SLC24A2: variants seen among roughly 807,000 people sequenced by gnomAD.
SLC24A2 encodes sodium/potassium/calcium exchanger 2.
A neutral mutation model predicts 62.0 loss-of-function variants in SLC24A2; 36 were observed. The observed-to-expected ratio is 0.58, with a 90% CI of 0.44 to 0.77. The LOEUF is 0.77. Ranked by LOEUF, SLC24A2 falls within the 30% of genes least tolerant of loss-of-function variation. The probability of loss-of-function intolerance (pLI) is 0.00; values close to 1 mark genes in which losing one functional copy is unlikely to be tolerated. For missense variants in SLC24A2, 846 were observed against 817.9 expected (o/e 1.03, Z -0.42); for synonymous variants, 358 against 294.0 (o/e 1.22, Z -2.23).
At chr9:20,270,255 T>G in the SLC24A2 span, among the ~76,000 whole-genome samples, 1 of 152,114 alleles carries the variant, frequency 6.6e-6, no homozygotes. Flanking sequence ...GGAATCAAAT[T>G]TCAGCATGCA....
At chr9:19,571,948 C>T (rs749838288) in intron 7 of SLC24A2, among the ~76,000 whole-genome samples, 3 of 152,130 alleles carry the variant, frequency 2.0e-5, no homozygotes, top group Non-Finnish European at 2.9e-5. Context: ...TACTTCATCT[C>T]ACTGAGCTTC....
At chr9:19,818,400 G>A in the SLC24A2 span, among the ~76,000 whole-genome samples, 1 of 151,982 alleles carries the variant, frequency 6.6e-6, no homozygotes, top group Non-Finnish European at 1.5e-5. Context: ...AAGAGTTAAG[G>A]ACTTCACAAA....
At chr9:19,867,457 T>A in the SLC24A2 span, among the ~76,000 whole-genome samples, 1 of 152,250 alleles carries the variant, frequency 6.6e-6, no homozygotes, top group Non-Finnish European at 1.5e-5. Context: ...AGTTGTCTAA[T>A]TTGTTAGCAT....
chr9:20,186,932 G>C, the SLC24A2 span, among the ~76,000 whole-genome samples: 13 of 152,156 alleles, frequency 8.5e-5, 1 homozygote, highest in African/African-American at 2.9e-4. Flanking sequence ...GGTGGGAGTG[G>C]AGCATGGGGA....
rs182026246 is a variant in SLC24A2, at chr9:19,709,648, C to T, written c.930+76289G>A. Among the ~76,000 whole-genome samples the T allele has an allele frequency of 2.8e-4, 43 of 150,904 alleles. No homozygotes were observed. The East Asian group carries it at 5.0e-3, about 17-fold the overall frequency. The stretch of plus-strand genomic sequence containing the variant: ...GACACCATCATTCTCAGCAAACTAT[C>T]GCAAGGACAAAAAACCAAACACCGC... On this transcript the variant is annotated intron_variant, in intron 2 of 10. Transcript: ENST00000341998.
intron 2 of SLC24A2, among the ~76,000 whole-genome samples, chr9:19,735,605 C>G (rs1462076932): frequency 5.9e-5 from 9 of 152,118 alleles, no homozygotes; most frequent in Non-Finnish European, 1.2e-4. Context: ...TTGGAACCAA[C>G]CCAAATGTCC....
the SLC24A2 span, among the ~76,000 whole-genome samples, chr9:20,257,729 T>C: frequency 6.6e-6 from 1 of 152,224 alleles, no homozygotes; most frequent in Non-Finnish European, 1.5e-5. Context: ...ACCCAATTTA[T>C]CAGTTTGTTA....
the SLC24A2 span, among the ~76,000 whole-genome samples, chr9:20,169,134 G>A: frequency 6.6e-6 from 1 of 152,032 alleles, no homozygotes; most frequent in African/African-American, 2.4e-5. Context: ...CTTACATGAA[G>A]TATGTAGAAT....
At chr9:19,583,398 A>T (rs963259979) in intron 5 of SLC24A2, among the ~76,000 whole-genome samples, 1 of 152,080 alleles carries the variant, frequency 6.6e-6, no homozygotes, top group Non-Finnish European at 1.5e-5. Flanking sequence ...ATTTTCTCTA[A>T]AGTAGTTATC....
the SLC24A2 span, among the ~76,000 whole-genome samples, chr9:19,795,285 G>A: frequency 4.7e-5 from 2 of 42,876 alleles, no homozygotes; most frequent in South Asian, 5.3e-4. Flanking sequence ...CCCCACCCCC[G>A]GCCCAATGCC....
chr9:20,233,219 A>T, the SLC24A2 span, among the ~76,000 whole-genome samples: 1 of 152,068 alleles, frequency 6.6e-6, no homozygotes, highest in African/African-American at 2.4e-5. Context: ...TGGAGTGGAG[A>T]ATTCTGTAGA....
the SLC24A2 span, among the ~76,000 whole-genome samples, chr9:20,074,598 GAAGGAAAGA>G: frequency 1.6e-5 from 1 of 64,344 alleles, no homozygotes; most frequent in African/African-American, 6.5e-5. Context: ...AGGAAGGAAG[GAAGGAAAGA>G]AGGGAGTGAG....
At chr9:19,652,676 T>A (rs1006697658) in intron 2 of SLC24A2, among the ~76,000 whole-genome samples, 1 of 152,200 alleles carries the variant, frequency 6.6e-6, no homozygotes, top group African/African-American at 2.4e-5. Context: ...ATAATCAATA[T>A]GTGTTGTTTT....
chr9:19,861,304 C>T, the SLC24A2 span, among the ~76,000 whole-genome samples: 301 of 152,298 alleles, frequency 2.0e-3, no homozygotes, highest in African/African-American at 7.1e-3. Flanking sequence ...TCTGGTAATT[C>T]AAAGAATTCT....
the SLC24A2 span, among the ~76,000 whole-genome samples, chr9:20,236,139 C>G: frequency 2.0e-5 from 3 of 152,196 alleles, no homozygotes; most frequent in African/African-American, 7.2e-5. Context: ...CAGCAGCAGT[C>G]AAGATCTGCT....
At chr9:19,717,229 T>C (rs1820885838) in intron 2 of SLC24A2, among the ~76,000 whole-genome samples, 1 of 152,234 alleles carries the variant, frequency 6.6e-6, no homozygotes, top group Non-Finnish European at 1.5e-5. Context: ...TGTATTTCTA[T>C]GCAAACTTGA....
the SLC24A2 span, among the ~76,000 whole-genome samples, chr9:19,963,309 T>C: frequency 0.76 from 113,375 of 148,590 alleles, 43,823 homozygotes; most frequent in Non-Finnish European, 0.83. Context: ...TAGGCATGGG[T>C]AAGGACGTCG....
At chr9:19,714,251 G>A (rs946571519) in intron 2 of SLC24A2, among the ~76,000 whole-genome samples, 1 of 152,060 alleles carries the variant, frequency 6.6e-6, no homozygotes, top group Non-Finnish European at 1.5e-5. Context: ...ACAAGGGTGG[G>A]TGCAAGTCTC....
At chr9:20,005,534 C>T in the SLC24A2 span, among the ~76,000 whole-genome samples, 2 of 151,828 alleles carry the variant, frequency 1.3e-5, no homozygotes, top group Admixed American at 6.6e-5. Flanking sequence ...TACTACATTG[C>T]TGAGCAAAGA....
Sources: gnomAD v4.1 joint callset for allele counts (sites outside exome capture counted in the v4.1 genomes callset) on GRCh38, gnomAD v4.1.1 for gene constraint, MANE v1.5 for transcripts, NCBI Gene and HGNC (gene_info 2026-07-23, HGNC 2026-07-21) for gene names.